The following NXPH1 variants were observed in gnomAD, a reference collection of about 807,000 sequenced individuals.
NXPH1 encodes neurexophilin 1, also known as neurexophilin-1.
Under a neutral mutation model 23.7 loss-of-function variants are expected in NXPH1, and 5 were observed. The ratio of observed to expected loss-of-function variants is 0.21; its 90% CI spans 0.11 to 0.44. NXPH1 has a LOEUF of 0.44. Among genes scored for constraint, NXPH1 ranks in the 20% least tolerant of loss-of-function variants. The pLI is 0.99. For synonymous variants in NXPH1, 144 were observed against 122.2 expected (o/e 1.18, Z -1.18); for missense variants, 324 against 321.6 (o/e 1.01, Z -0.06).
intron 2 of NXPH1, among the ~76,000 whole-genome samples, chr7:8,436,971 A>G (rs1202786808): frequency 2.6e-5 from 4 of 152,200 alleles, no homozygotes; most frequent in Admixed American, 2.0e-4. Context: ...TGACACGTAT[A>G]TATATGTGTG....
chr7:8,576,726 A>G (rs1818762947), intron 2 of NXPH1, among the ~76,000 whole-genome samples: 1 of 152,036 alleles, frequency 6.6e-6, no homozygotes, highest in Admixed American at 6.6e-5. Context: ...GAGGTGAGGG[A>G]GAGAGATGTG....
At chr7:8,521,264 C>T (rs1817766678) in intron 2 of NXPH1, among the ~76,000 whole-genome samples, 1 of 152,146 alleles carries the variant, frequency 6.6e-6, no homozygotes, top group Non-Finnish European at 1.5e-5. Flanking sequence ...TCACTGATGT[C>T]CCAGTCCATT....
intron 2 of NXPH1, among the ~76,000 whole-genome samples, chr7:8,700,513 T>C (rs1357108610): frequency 1.3e-5 from 2 of 152,154 alleles, no homozygotes; most frequent in Non-Finnish European, 2.9e-5. Context: ...TAACGGCCTA[T>C]TATAGAGATA....
At chr7:8,737,740 T>G (rs1002730093) in intron 2 of NXPH1, among the ~76,000 whole-genome samples, 5 of 152,226 alleles carry the variant, frequency 3.3e-5, no homozygotes, top group Non-Finnish European at 7.3e-5. Flanking sequence ...CCAACTTGTT[T>G]CCATTCTCTC....
At chr7:8,739,827 A>T (rs978283571) in intron 2 of NXPH1, among the ~76,000 whole-genome samples, 1 of 152,074 alleles carries the variant, frequency 6.6e-6, no homozygotes, top group African/African-American at 2.4e-5. Flanking sequence ...TGCTTTTTAA[A>T]CATTTTTAAA....
At chr7:8,706,173 G>T (rs758278969) in intron 2 of NXPH1, among the ~76,000 whole-genome samples, 1 of 152,148 alleles carries the variant, frequency 6.6e-6, no homozygotes, top group Non-Finnish European at 1.5e-5. Context: ...TCAAAAAATG[G>T]TTCCTGCAAA....
rs1289750134 is a variant in NXPH1, at chr7:8,515,917, T to C, written c.54+80150T>C. ...TGCTATCTTACCTAACTCTAAATCT[T>C]CCCTTCTTCTGTTCTTACCACCTCA... is the stretch of plus-strand genomic sequence containing the variant. On this transcript the variant is annotated intron_variant, in intron 2 of 2. Transcript: ENST00000405863. Among the ~76,000 whole-genome samples, 4 of 152,040 alleles carry C rather than the reference T, an allele frequency of 2.6e-5. No homozygotes were observed. The East Asian group carries it at 7.7e-4, about 29-fold the overall frequency.
In NXPH1 at chr7:8,651,853, G is replaced by A. The variant is rs541723755; in HGVS notation, c.55-99155G>A. The stretch of plus-strand genomic sequence containing the variant: ...AAAATGCTTGTAATGGATAATTCAT[G>A]GCTAAAATAATTAGTTCTTTTTTGT... On this transcript the variant is annotated intron_variant, in intron 2 of 2. Coordinates refer to ENST00000405863, the MANE Select transcript of NXPH1 (RefSeq NM_152745.3). Among the ~76,000 whole-genome samples, 4 of 152,194 alleles carry A rather than the reference G, an allele frequency of 2.6e-5. No homozygotes were observed. In the East Asian group the frequency reaches 7.7e-4, roughly 29 times the overall value.
chr7:8,629,047 TAAG>T (rs1444341821), intron 2 of NXPH1, among the ~76,000 whole-genome samples: 2 of 151,662 alleles, frequency 1.3e-5, no homozygotes, highest in South Asian at 2.1e-4. Flanking sequence ...AGGAGAAAGA[TAAG>T]AAATGAATAA....
intron 2 of NXPH1, among the ~76,000 whole-genome samples, chr7:8,663,934 A>T (rs1820720430): frequency 6.6e-6 from 1 of 152,072 alleles, no homozygotes; most frequent in African/African-American, 2.4e-5. Flanking sequence ...AACGCCATGT[A>T]TGATGCTTTA....
Position 8,667,601 on chromosome 7 carries a change from G to A in NXPH1, c.55-83407G>A, listed in dbSNP as rs10258559. 3.7e-3 allele frequency among the ~76,000 whole-genome samples: 553 copies of A among 151,486 alleles called. 1 individual carries two copies. The highest frequency in any genetic ancestry group is 0.013 in the African/African-American group (521 of 41,296). ...ATATGTGATTTGCATCCTTTCTCTT[G>A]CTGCTTTCAGGATCTTCTATTTGCC... On this transcript the variant is annotated intron_variant, in intron 2 of 2. Coordinates refer to ENST00000405863, the MANE Select transcript of NXPH1 (RefSeq NM_152745.3).
At chr7:8,592,996 C>A (rs1819133275) in intron 2 of NXPH1, among the ~76,000 whole-genome samples, 1 of 151,898 alleles carries the variant, frequency 6.6e-6, no homozygotes, top group Admixed American at 6.6e-5. Flanking sequence ...AAGCTGGAGT[C>A]ACTGGGAAGT....
At chr7:8,600,515 G>T (rs564891662) in intron 2 of NXPH1, among the ~76,000 whole-genome samples, 1 of 152,164 alleles carries the variant, frequency 6.6e-6, no homozygotes, top group Non-Finnish European at 1.5e-5. Flanking sequence ...ACTGTGGTCA[G>T]ATCTGGTTTG....
chr7:8,613,674 T>C (rs1819668046), intron 2 of NXPH1, among the ~76,000 whole-genome samples: 1 of 152,002 alleles, frequency 6.6e-6, no homozygotes, highest in African/African-American at 2.4e-5. Context: ...ATAAATTTTA[T>C]TTTATTTATT....
At chr7:8,744,048 C>A (rs867157828) in intron 2 of NXPH1, among the ~76,000 whole-genome samples, 7 of 152,114 alleles carry the variant, frequency 4.6e-5, no homozygotes, top group African/African-American at 1.7e-4. Flanking sequence ...TCTCTCTAGC[C>A]CCAAACTCAG....
intron 2 of NXPH1, among the ~76,000 whole-genome samples, chr7:8,703,409 G>A (rs919680632): frequency 1.3e-5 from 2 of 152,036 alleles, no homozygotes; most frequent in Non-Finnish European, 2.9e-5. Flanking sequence ...GAAATACCTG[G>A]TTTGGTTTTT....
At chr7:8,580,688 C>A (rs1303924420) in intron 2 of NXPH1, among the ~76,000 whole-genome samples, 1 of 151,848 alleles carries the variant, frequency 6.6e-6, no homozygotes, top group Non-Finnish European at 1.5e-5. Flanking sequence ...TCCCTGACAC[C>A]CAAGCTGAAT....
chr7:8,664,829 T>C (rs1820734967), intron 2 of NXPH1, among the ~76,000 whole-genome samples: 1 of 152,130 alleles, frequency 6.6e-6, no homozygotes, highest in Non-Finnish European at 1.5e-5. Context: ...GTATGTCTTC[T>C]TTTAAGAAAT....
chr7:8,696,364 G>A (rs1779504359), intron 2 of NXPH1, among the ~76,000 whole-genome samples: 1 of 152,158 alleles, frequency 6.6e-6, no homozygotes, highest in African/African-American at 2.4e-5. Flanking sequence ...TTTCATCAAG[G>A]TTCTTGCTTT....
Sources: allele counts gnomAD v4.1 joint callset (sites outside exome capture counted in the v4.1 genomes callset), GRCh38; gene constraint gnomAD v4.1.1; transcripts MANE v1.5; gene names NCBI Gene and HGNC (gene_info 2026-07-23, HGNC 2026-07-21).